Variants in SND1 observed in about 807,000 individuals in gnomAD.
SND1 encodes staphylococcal nuclease domain-containing protein 1.
In SND1, 38 loss-of-function variants were observed where a neutral mutation model predicts 121.7. The ratio of observed to expected loss-of-function variants is 0.31; its 90% CI spans 0.24 to 0.41. The LOEUF is 0.41. Ranked by LOEUF, SND1 falls within the 10% of genes least tolerant of loss-of-function variation. The probability of loss-of-function intolerance (pLI) is 1.00; values close to 1 mark genes in which losing one functional copy is unlikely to be tolerated. For missense variants in SND1, 868 were observed against 1,184.6 expected (o/e 0.73, Z 3.92); for synonymous variants, 401 against 447.4 (o/e 0.90, Z 1.31).
chr7:127,937,065 TA>T (rs1451473810), intron 15 of SND1, among the ~76,000 whole-genome samples: 1 of 89,788 alleles, frequency 1.1e-5, no homozygotes, highest in East Asian at 1.9e-4. Context: ...TGGAAGAGAA[TA>T]ATAATTTGAG....
At chr7:127,774,863 G>A (rs1462790345) in intron 10 of SND1, among the ~76,000 whole-genome samples, 2 of 152,226 alleles carry the variant, frequency 1.3e-5, no homozygotes, top group Non-Finnish European at 1.5e-5. Context: ...ACAGGCATGA[G>A]CCACTGTGCC....
At chr7:127,940,303 T>C (rs1054821689) in intron 15 of SND1, among the ~76,000 whole-genome samples, 5 of 152,218 alleles carry the variant, frequency 3.3e-5, no homozygotes, top group African/African-American at 1.2e-4. Context: ...CATTTCAGTG[T>C]AGATTATTCA....
chr7:128,030,164 G>A (rs1443844008), intron 16 of SND1: 7 of 1,614,096 alleles, frequency 4.3e-6, no homozygotes, highest in Middle Eastern at 3.3e-4. Flanking sequence ...GGATGCTTTC[G>A]ATGGGGTTGT....
At chr7:127,896,047 T>G (rs1288719436) in intron 13 of SND1, among the ~76,000 whole-genome samples, 1 of 152,124 alleles carries the variant, frequency 6.6e-6, no homozygotes, top group Non-Finnish European at 1.5e-5. Context: ...GATTAACTGC[T>G]GGAAAGCAGT....
intron 15 of SND1, among the ~76,000 whole-genome samples, chr7:127,977,428 C>T (rs1308058400): frequency 6.6e-6 from 1 of 151,478 alleles, no homozygotes; most frequent in Admixed American, 6.6e-5. Context: ...TTATATGGTC[C>T]GAAGGAATTG....
intron 14 of SND1, among the ~76,000 whole-genome samples, chr7:127,919,259 T>C (rs1800650351): frequency 6.6e-6 from 1 of 152,206 alleles, no homozygotes; most frequent in South Asian, 2.1e-4. Context: ...CTTGCTGACT[T>C]TTTTTCTTCT....
intron 10 of SND1, among the ~76,000 whole-genome samples, chr7:127,762,944 TATCAGGGTAGTCC>T (rs1797332443): frequency 6.6e-6 from 1 of 152,188 alleles, no homozygotes; most frequent in African/African-American, 2.4e-5. Flanking sequence ...ACATAATCTG[TATCAGGGTAGTCC>T]ACCTCTGAAA....
At chr7:127,922,215 C>T in intron 14 of SND1, among the ~76,000 whole-genome samples, 1 of 23,626 alleles carries the variant, frequency 4.2e-5, no homozygotes. Flanking sequence ...TTTTGTGAGG[C>T]AAGATCCCAC....
chr7:127,905,718 TC>T (rs981262806), intron 14 of SND1, among the ~76,000 whole-genome samples: 3 of 152,130 alleles, frequency 2.0e-5, no homozygotes, highest in African/African-American at 7.2e-5. Context: ...ACCATCCATT[TC>T]AACACCACAG....
Position 127,981,665 on chromosome 7 carries a change from G to T in SND1, c.1670-9282G>T, listed in dbSNP as rs532846980. On this transcript the variant is annotated intron_variant, in intron 15 of 23. Transcript: ENST00000354725. ...ATCTAAAAATGCTTTTTTCCCATTT[G>T]GGAGAGATTGTGTGGTGTCTAAAGC... Among the ~76,000 whole-genome samples, 12 of 152,204 alleles carry T rather than the reference G, an allele frequency of 7.9e-5. No homozygotes were observed. In the East Asian group the frequency reaches 2.3e-3, roughly 29 times the overall value.
intron 10 of SND1, among the ~76,000 whole-genome samples, chr7:127,735,960 C>G (rs1296416208): frequency 2.0e-5 from 3 of 152,098 alleles, no homozygotes; most frequent in Admixed American, 6.6e-5. Context: ...GTCTTGTCTC[C>G]TTTCTGAAGT....
At chr7:127,903,302 G>A (rs559044010) in intron 13 of SND1, among the ~76,000 whole-genome samples, 1 of 152,124 alleles carries the variant, frequency 6.6e-6, no homozygotes, top group Non-Finnish European at 1.5e-5. Flanking sequence ...GGGATTACAG[G>A]TGTGAACCAC....
chr7:128,067,149 G>A (rs2117041546), intron 16 of SND1, among the ~76,000 whole-genome samples: 1 of 152,264 alleles, frequency 6.6e-6, no homozygotes, highest in South Asian at 2.1e-4. Context: ...ATGCAGAGCA[G>A]AGAGAACCTT....
chr7:127,907,012 G>T (rs1239208227), intron 14 of SND1, among the ~76,000 whole-genome samples: 1 of 152,068 alleles, frequency 6.6e-6, no homozygotes, highest in Non-Finnish European at 1.5e-5. Flanking sequence ...TTGGAGGATT[G>T]GTTTGCTCTT....
chr7:127,880,531 A>C (rs1225597911), intron 12 of SND1, among the ~76,000 whole-genome samples: 1 of 152,098 alleles, frequency 6.6e-6, no homozygotes, highest in Non-Finnish European at 1.5e-5. Flanking sequence ...TTTATTCTGA[A>C]TATGTGCCCA....
chr7:127,704,424 C>T (rs550582124), intron 7 of SND1, among the ~76,000 whole-genome samples: 24 of 152,288 alleles, frequency 1.6e-4, no homozygotes, highest in African/African-American at 5.8e-4. Context: ...TTATTCCCTG[C>T]TCAGCCTGTT....
At chr7:128,028,649 G>A (rs1197455445) in intron 16 of SND1, 2 of 1,585,848 alleles carry the variant, frequency 1.3e-6, no homozygotes, top group African/African-American at 1.4e-5. Flanking sequence ...GCATTCTATT[G>A]CATTTTATAA....
intron 12 of SND1, among the ~76,000 whole-genome samples, chr7:127,884,037 G>A (rs1352092694): frequency 6.6e-6 from 1 of 152,008 alleles, no homozygotes; most frequent in Non-Finnish European, 1.5e-5. Context: ...AAACTCCCAA[G>A]TTATTTATTT....
chr7:127,926,371 T>C (rs1800832769), intron 14 of SND1, among the ~76,000 whole-genome samples: 1 of 152,070 alleles, frequency 6.6e-6, no homozygotes, highest in Non-Finnish European at 1.5e-5. Context: ...GGATGAAATA[T>C]CCATCTTTCC....
Sources: gnomAD v4.1 joint callset for allele counts (sites outside exome capture counted in the v4.1 genomes callset) on GRCh38, gnomAD v4.1.1 for gene constraint, MANE v1.5 for transcripts, NCBI Gene and HGNC (gene_info 2026-07-23, HGNC 2026-07-21) for gene names.